The following PDS5B variants were observed in gnomAD, a reference collection of about 807,000 sequenced individuals.
PDS5B encodes PDS5 cohesin associated factor B, also known as sister chromatid cohesion protein PDS5 homolog B.
A neutral mutation model predicts 184.1 loss-of-function variants in PDS5B; 51 were observed. The observed-to-expected ratio is 0.28, with a 90% CI of 0.22 to 0.35. The LOEUF is 0.35. Ranked by LOEUF, PDS5B falls within the 10% of genes least tolerant of loss-of-function variation. PDS5B has a pLI of 1.00. For missense variants in PDS5B, 1,180 were observed against 1,723.3 expected (o/e 0.68, Z 5.58); for synonymous variants, 566 against 569.2 (o/e 0.99, Z 0.08).
intron 1 of PDS5B, among the ~76,000 whole-genome samples, chr13:32,607,431 C>T (rs908034353): frequency 1.3e-5 from 2 of 152,198 alleles, no homozygotes; most frequent in Admixed American, 1.3e-4. Context: ...AGCTTTGTCT[C>T]AGAGGGGCAC....
chr13:32,758,800 G>T, intron 28 of PDS5B, 147 bp downstream of exon 28: 1 of 736,168 alleles, frequency 1.4e-6, no homozygotes, highest in Non-Finnish European at 2.3e-6. Context: ...GAGTCAAACT[G>T]GAGGACACAC....
intron 6 of PDS5B, among the ~76,000 whole-genome samples, chr13:32,663,702 A>C (rs1339814799): frequency 6.6e-6 from 1 of 152,146 alleles, no homozygotes; most frequent in Non-Finnish European, 1.5e-5. Flanking sequence ...TTTAAAAAAA[A>C]TTTGTATTTA....
intron 19 of PDS5B, among the ~76,000 whole-genome samples, chr13:32,717,434 G>A: frequency 6.8e-6 from 1 of 146,276 alleles, no homozygotes; most frequent in Non-Finnish European, 1.5e-5. Context: ...GTCCACTCAG[G>A]GTTACATGGA....
At chr13:32,597,999 G>C (rs1473521651) in intron 1 of PDS5B, among the ~76,000 whole-genome samples, 1 of 151,938 alleles carries the variant, frequency 6.6e-6, no homozygotes, top group Non-Finnish European at 1.5e-5. Flanking sequence ...GTCAGCAGTG[G>C]ATATTCTGTA....
intron 1 of PDS5B, among the ~76,000 whole-genome samples, chr13:32,612,147 C>T (rs1296064830): frequency 6.6e-6 from 1 of 151,916 alleles, no homozygotes; most frequent in African/African-American, 2.4e-5. Context: ...TTCCTTACCT[C>T]AGGGCACATG....
intron 19 of PDS5B, among the ~76,000 whole-genome samples, chr13:32,721,488 G>T: frequency 6.6e-6 from 1 of 151,598 alleles, no homozygotes; most frequent in African/African-American, 2.4e-5. Context: ...TCCAGACGGG[G>T]TCGTGGCCGG....
chr13:32,694,137 T>A lies in PDS5B; in HGVS notation c.1470-86T>A, dbSNP rs538873891. The A allele has an allele frequency of 8.6e-5, 77 of 897,654 alleles. No homozygotes were observed. The African/African-American group carries it at 1.1e-3, about 13-fold the overall frequency. The allele number at this position is 897,654 out of a possible 1,614,324, so 55.6% of individuals were successfully genotyped here. On this transcript the variant is annotated intron_variant, in intron 13 of 34. Transcript: ENST00000315596. The stretch of plus-strand genomic sequence containing the variant: ...CATCTCTGTCATCTCCTTTTATAAT[T>A]TGAACCTTAAATTATATAGTAGTAA...
rs1952365690 is a variant in PDS5B, at chr13:32,715,686, C to T, written c.2123+5580C>T. 3.3e-5 allele frequency among the ~76,000 whole-genome samples: 5 copies of T among 152,284 alleles called. No homozygotes were observed. The South Asian group carries it at 1.0e-3, about 32-fold the overall frequency. ...CCACGGTCTCCCTCTCCCTCTCTTT[C>T]CACGGTCTCCCTCTGATGCTGAGCC... On this transcript the variant is annotated intron_variant, in intron 19 of 34. Coordinates refer to ENST00000315596, the MANE Select transcript of PDS5B (RefSeq NM_015032.4).
intron 10 of PDS5B, among the ~76,000 whole-genome samples, chr13:32,681,962 T>A (rs1429865919): frequency 6.6e-6 from 1 of 152,180 alleles, no homozygotes; most frequent in Non-Finnish European, 1.5e-5. Context: ...TCATTTATAA[T>A]AAAGTAGTAT....
At chr13:32,745,504 A>G (rs1953710836) in intron 23 of PDS5B, among the ~76,000 whole-genome samples, 1 of 152,210 alleles carries the variant, frequency 6.6e-6, no homozygotes, top group Non-Finnish European at 1.5e-5. Flanking sequence ...CAGTATTGCT[A>G]AATTATTTTC....
At chr13:32,644,420 G>A (rs1206853784) in intron 1 of PDS5B, among the ~76,000 whole-genome samples, 1 of 152,066 alleles carries the variant, frequency 6.6e-6, no homozygotes, top group Non-Finnish European at 1.5e-5. Flanking sequence ...GCTAAACTCA[G>A]TCTTAATAAT....
intron 6 of PDS5B, among the ~76,000 whole-genome samples, chr13:32,663,754 G>A (rs1950713113): frequency 1.3e-5 from 2 of 152,162 alleles, no homozygotes; most frequent in Non-Finnish European, 2.9e-5. Flanking sequence ...GGGTACAGGT[G>A]GTTTTTGGTT....
intron 1 of PDS5B, among the ~76,000 whole-genome samples, chr13:32,634,915 T>A (rs2058516291): frequency 6.6e-6 from 1 of 151,992 alleles, no homozygotes. Flanking sequence ...TGAAACGTTT[T>A]TCAAAAATGG....
chr13:32,696,499 T>C (rs1450222058), intron 14 of PDS5B, among the ~76,000 whole-genome samples: 1 of 151,912 alleles, frequency 6.6e-6, no homozygotes, highest in East Asian at 1.9e-4. Flanking sequence ...CCATGCCTTA[T>C]AATTCTCAGG....
At chr13:32,665,905 A>G (rs1950782311) in intron 6 of PDS5B, among the ~76,000 whole-genome samples, 1 of 152,140 alleles carries the variant, frequency 6.6e-6, no homozygotes, top group Non-Finnish European at 1.5e-5. Flanking sequence ...ATAAAATGAG[A>G]ACAGGAAGAC....
chr13:32,721,350 T>C (rs1349332012), intron 19 of PDS5B, among the ~76,000 whole-genome samples: 1 of 119,596 alleles, frequency 8.4e-6, no homozygotes, highest in Non-Finnish European at 1.8e-5. Flanking sequence ...GGGCGAGGGC[T>C]CCCCCCACCT....
intron 6 of PDS5B, among the ~76,000 whole-genome samples, chr13:32,660,400 G>A (rs1353062554): frequency 6.6e-6 from 1 of 152,238 alleles, no homozygotes; most frequent in African/African-American, 2.4e-5. Context: ...GATGCCACAA[G>A]CTCTACTGCC....
In PDS5B at chr13:32,681,648, A is replaced by T. The variant is rs75901460; in HGVS notation, c.1058-2230A>T. On this transcript the variant is annotated intron_variant, in intron 10 of 34. Coordinates refer to ENST00000315596, the MANE Select transcript of PDS5B (RefSeq NM_015032.4). ...CTCAAAAAAAAAAAGTGAGGCTTTGATTTTTTTTTTTAGTAGTTTCAATCA... is the reference window on the plus strand; with the variant it reads ...CTCAAAAAAAAAAAGTGAGGCTTTGTTTTTTTTTTTTAGTAGTTTCAATCA... 8.1e-5 allele frequency among the ~76,000 whole-genome samples: 12 copies of T among 147,714 alleles called. No homozygotes were observed. In the East Asian group the frequency reaches 2.4e-3, roughly 29 times the overall value.
In PDS5B at chr13:32,753,554, T is replaced by C. The variant is rs764251992; in HGVS notation, c.2941+18T>C. On this transcript the variant is annotated intron_variant, in intron 25 of 34. Coordinates refer to ENST00000315596, the MANE Select transcript of PDS5B (RefSeq NM_015032.4). ...TGTTAGTGGTAAGCATATAAGAAAATGGAAAGGATACTTTTTCAGCCTGCT... is the reference window on the plus strand; with the variant it reads ...TGTTAGTGGTAAGCATATAAGAAAACGGAAAGGATACTTTTTCAGCCTGCT... 15 of 1,557,830 alleles carry C rather than the reference T, an allele frequency of 9.6e-6. No homozygotes were observed. The highest frequency in any genetic ancestry group is 1.3e-5 in the Non-Finnish European group (15 of 1,138,080).
Sources: gnomAD v4.1 joint callset for allele counts (sites outside exome capture counted in the v4.1 genomes callset) on GRCh38, gnomAD v4.1.1 for gene constraint, MANE v1.5 for transcripts, NCBI Gene and HGNC (gene_info 2026-07-23, HGNC 2026-07-21) for gene names.